The following CIMAP1B variants were observed in gnomAD, a reference collection of about 807,000 sequenced individuals.
CIMAP1B encodes the protein orf2 5' to PD-ECGF/TP.
the CIMAP1B span, chr22:50,531,487 C>T: frequency 3.3e-6 from 4 of 1,227,614 alleles, no homozygotes; most frequent in African/African-American, 1.6e-5. Context: ...GAGGGGGACT[C>T]GGGGTTCAGG....
the CIMAP1B span, chr22:50,532,023 T>C: frequency 7.4e-7 from 1 of 1,351,734 alleles, no homozygotes; most frequent in South Asian, 1.8e-5. Context: ...TGCGCCGCGA[T>C]GGGGCCGCGG....
the CIMAP1B span, chr22:50,531,510 A>T: frequency 7.3e-7 from 1 of 1,363,922 alleles, no homozygotes; most frequent in Non-Finnish European, 9.6e-7. Flanking sequence ...GGGGGTTCCC[A>T]GGTGGGCCTC....
chr22:50,530,966 C>T, the CIMAP1B span: 4 of 1,611,428 alleles, frequency 2.5e-6, no homozygotes, highest in Admixed American at 3.3e-5. Flanking sequence ...AAACTGCCAG[C>T]CGCTCTGCGG....
chr22:50,531,208 G>A, the CIMAP1B span: 354 of 1,612,492 alleles, frequency 2.2e-4, no homozygotes, highest in Middle Eastern at 4.9e-4. Flanking sequence ...CTGCTGTTCC[G>A]CCTGGACACC....
chr22:50,530,484 T>A, the CIMAP1B span: 1 of 1,596,856 alleles, frequency 6.3e-7, no homozygotes, highest in East Asian at 2.3e-5. Flanking sequence ...GGCGGGTCAG[T>A]TGTCCGCGTC....
At chr22:50,532,022 A>G in the CIMAP1B span, 1 of 1,352,842 alleles carries the variant, frequency 7.4e-7, no homozygotes, top group South Asian at 1.8e-5. Context: ...GTGCGCCGCG[A>G]TGGGGCCGCG....
chr22:50,531,440 G>T, the CIMAP1B span: 1 of 1,075,670 alleles, frequency 9.3e-7, no homozygotes. Flanking sequence ...TTGAGATCCG[G>T]ATATGGGGGT....
chr22:50,530,819 GA>G, the CIMAP1B span: 4 of 1,605,232 alleles, frequency 2.5e-6, no homozygotes, highest in Non-Finnish European at 3.4e-6. Context: ...TAGACCCCTG[GA>G]CTCACGACCT....
the CIMAP1B span, chr22:50,530,727 G>A: frequency 3.7e-6 from 6 of 1,611,946 alleles, no homozygotes; most frequent in African/African-American, 5.3e-5. Flanking sequence ...CCACGTTGTA[G>A]GCCGCGGGCC....
At chr22:50,532,369 A>C in the CIMAP1B span, 1 of 305,608 alleles carries the variant, frequency 3.3e-6, no homozygotes, top group Non-Finnish European at 6.0e-6. Flanking sequence ...GACTTGGTGA[A>C]GGGAATCACC....
At chr22:50,531,798 G>C in the CIMAP1B span, 2 of 1,351,952 alleles carry the variant, frequency 1.5e-6, no homozygotes, top group Non-Finnish European at 1.9e-6. Context: ...GTTAGCGTCT[G>C]GCCGGGCCCA....
At chr22:50,531,794 G>A in the CIMAP1B span, 112 of 1,352,996 alleles carry the variant, frequency 8.3e-5, no homozygotes, top group Non-Finnish European at 1.0e-4. Flanking sequence ...CCGAGTTAGC[G>A]TCTGGCCGGG....
chr22:50,532,180 C>T, the CIMAP1B span: 1 of 1,287,326 alleles, frequency 7.8e-7, no homozygotes, highest in Non-Finnish European at 9.9e-7. Flanking sequence ...TTCCCACTAC[C>T]CTGGGATCAG....
the CIMAP1B span, chr22:50,531,651 C>A: frequency 4.5e-5 from 62 of 1,376,712 alleles, no homozygotes; most frequent in Non-Finnish European, 5.0e-5. Flanking sequence ...GTGCCGCGCA[C>A]GGTCATGCGA....
At chr22:50,531,095 C>T in the CIMAP1B span, 1 of 1,591,476 alleles carries the variant, frequency 6.3e-7, no homozygotes, top group Non-Finnish European at 8.6e-7. Context: ...AGTGGGTCTC[C>T]GCGGACAGGC....
chr22:50,530,605 C>T, the CIMAP1B span: 2 of 1,566,478 alleles, frequency 1.3e-6, no homozygotes, highest in East Asian at 2.4e-5. Flanking sequence ...CCGGCATCCT[C>T]TCCGCGCCGG....
At chr22:50,531,980 G>A in the CIMAP1B span, 19 of 1,345,546 alleles carry the variant, frequency 1.4e-5, no homozygotes, top group East Asian at 3.0e-5. Context: ...GGTGTTGGGC[G>A]GCAGCTTGTA....
chr22:50,531,576 C>T, the CIMAP1B span: 3 of 1,416,614 alleles, frequency 2.1e-6, no homozygotes, highest in Non-Finnish European at 2.8e-6. Flanking sequence ...TGACCAGGTC[C>T]CGGAGTGAGG....
the CIMAP1B span, chr22:50,530,952 G>C: frequency 6.2e-7 from 1 of 1,611,188 alleles, no homozygotes; most frequent in Non-Finnish European, 8.5e-7. Flanking sequence ...TGAGGTCCTC[G>C]AAGAAACTGC....
Sources: gnomAD v4.1 joint callset for allele counts on GRCh38, gnomAD v4.1.1 for gene constraint, MANE v1.5 for transcripts, NCBI Gene and HGNC (gene_info 2026-07-23, HGNC 2026-07-21) for gene names.